Variants in PLCE1 observed in about 807,000 individuals in gnomAD.
PLCE1 encodes phospholipase C epsilon 1, also known as 1-phosphatidylinositol 4,5-bisphosphate phosphodiesterase epsilon-1.
In PLCE1, 119 loss-of-function variants were observed where a neutral mutation model predicts 242.8. The observed-to-expected ratio is 0.49, with a 90% CI of 0.42 to 0.57. The LOEUF is 0.57. Among genes scored for constraint, PLCE1 ranks in the 20% least tolerant of loss-of-function variants. PLCE1 has a pLI of 0.00. For missense variants in PLCE1, 2,441 were observed against 2,788.8 expected (o/e 0.88, Z 2.81); for synonymous variants, 945 against 1,017.4 (o/e 0.93, Z 1.35).
At chr10:94,098,059 G>T (rs939786770) in intron 2 of PLCE1, among the ~76,000 whole-genome samples, 1 of 152,200 alleles carries the variant, frequency 6.6e-6, no homozygotes, top group Non-Finnish European at 1.5e-5. Context: ...GTCCAGGTGA[G>T]CTGTCCTCAC....
At chr10:94,009,403 T>A (rs1477954178) in intron 1 of PLCE1, among the ~76,000 whole-genome samples, 1 of 152,092 alleles carries the variant, frequency 6.6e-6, no homozygotes, top group Non-Finnish European at 1.5e-5. Flanking sequence ...ATATTAGAGG[T>A]CACAATTCAA....
Position 94,328,428 on chromosome 10 carries a change from C to T in PLCE1, c.*485C>T, listed in dbSNP as rs921026809. On this transcript the variant is annotated 3_prime_UTR_variant, in exon 33 of 33. Transcript: ENST00000371380. ...ATATATTTTTCACATGTCACAAATA[C>T]TCTTGTTTTGACTTTTTTTCAACCA... The T allele has an allele frequency of 6.5e-6, 1 of 152,744 alleles. No homozygotes were observed. Among genetic ancestry groups the T allele is most frequent in the Non-Finnish European group, 1.5e-5 (1 of 68,414 alleles). 9.5% of individuals were successfully genotyped at this position (152,744 alleles called of 1,614,324 possible).
rs2052941039 is a variant in PLCE1 at position 94,298,971 on chromosome 10, A to G, written c.5458+302A>G. On this transcript the variant is annotated intron_variant, in intron 24 of 32. Coordinates refer to ENST00000371380, the MANE Select transcript of PLCE1 (RefSeq NM_016341.4). This position sits in a 1 kb window ranked among gnomAD's most constrained non-coding sequence, Gnocchi z 5.2. ...AAAGCCATGCCCGGTTTATGTTTAAAGCTCTTTTTGGAGCAGGGATTTCCT... is the reference window on the plus strand; with the variant it reads ...AAAGCCATGCCCGGTTTATGTTTAAGGCTCTTTTTGGAGCAGGGATTTCCT... Among the ~76,000 whole-genome samples the G allele has an allele frequency of 6.6e-6, 1 of 152,178 alleles. No homozygotes were observed. The highest frequency in any genetic ancestry group is 1.9e-4 in the East Asian group (1 of 5,196).
At chr10:94,076,576 T>C (rs955053792) in intron 2 of PLCE1, among the ~76,000 whole-genome samples, 13 of 152,206 alleles carry the variant, frequency 8.5e-5, no homozygotes, top group Non-Finnish European at 1.6e-4. Flanking sequence ...ACTTGCTCTT[T>C]CAGCTGAATC....
At chr10:94,324,230 T>C (rs2053927959) in intron 30 of PLCE1, 119 bp from the exon 31 acceptor site, 2 of 814,606 alleles carry the variant, frequency 2.5e-6, no homozygotes, top group African/African-American at 3.4e-5. Flanking sequence ...TGAAATGATC[T>C]GGAAGATCCC....
chr10:94,306,317 C>T lies in PLCE1; in HGVS notation c.5623-110C>T, dbSNP rs575233595. On this transcript the variant is annotated intron_variant, in intron 25 of 32. Transcript: ENST00000371380. The surrounding 1 kb of genome is among the most constrained non-coding windows in gnomAD (Gnocchi z 5.7). The stretch of plus-strand genomic sequence containing the variant: ...CAGTTTTATTCATCATTCACTTTGT[C>T]CATTCCAGTGTTCTTGGGATTCCTT... 28 of 1,560,506 alleles carry T rather than the reference C, an allele frequency of 1.8e-5. 1 individual carries two copies. The South Asian group carries it at 3.0e-4, about 17-fold the overall frequency.
intron 2 of PLCE1, among the ~76,000 whole-genome samples, chr10:94,123,329 T>C (rs2046350744): frequency 6.6e-6 from 1 of 152,194 alleles, no homozygotes; most frequent in African/African-American, 2.4e-5. Flanking sequence ...CCTGAAGTGA[T>C]AAAGGTTCAG....
intron 2 of PLCE1, chr10:94,120,973 T>TAGAG (rs1397621423): frequency 2.0e-5 from 3 of 152,226 alleles, no homozygotes; most frequent in African/African-American, 7.2e-5. Flanking sequence ...TGGAGCAACC[T>TAGAG]AGAGAGACAG....
intron 2 of PLCE1, among the ~76,000 whole-genome samples, chr10:94,061,290 T>G (rs978492553): frequency 2.0e-5 from 3 of 152,182 alleles, no homozygotes; most frequent in Admixed American, 6.5e-5. Context: ...CTATTGGAGA[T>G]GTAAAGATTA....
In PLCE1 at chr10:94,031,667, C is replaced by T. The variant is rs780591486; in HGVS notation, c.621C>T (p.Asn207=). The change falls in exon 2 of 33, where the codon AAC becomes AAT. Residue 207 remains asparagine, a synonymous_variant. Transcript: ENST00000371380. ...MSDTFCTLSE[N]LILDDCGNCV... ...ACACTTTCTGTACCCTATCAGAAAACTTAATTTTAGACGATTGTGGAAATT... is the reference window on the plus strand; with the variant it reads ...ACACTTTCTGTACCCTATCAGAAAATTTAATTTTAGACGATTGTGGAAATT... 54 of 1,613,732 alleles carry T rather than the reference C, an allele frequency of 3.3e-5. 1 individual carries two copies. In the Admixed American group the frequency reaches 8.7e-4, roughly 26 times the overall value.
At chr10:94,083,391 T>C (rs1040667240) in intron 2 of PLCE1, among the ~76,000 whole-genome samples, 1 of 152,198 alleles carries the variant, frequency 6.6e-6, no homozygotes, top group Non-Finnish European at 1.5e-5. Flanking sequence ...CCCATTTTTT[T>C]GGGGCCCACA....
At chr10:94,324,115 AT>A (rs2053924260) in intron 30 of PLCE1, among the ~76,000 whole-genome samples, 1 of 152,226 alleles carries the variant, frequency 6.6e-6, no homozygotes, top group Admixed American at 6.5e-5. Flanking sequence ...CTCGTCTGAA[AT>A]TCAGGATAAT....
chr10:94,230,831 A>T (rs2050118472), intron 5 of PLCE1, among the ~76,000 whole-genome samples: 1 of 151,336 alleles, frequency 6.6e-6, no homozygotes, highest in Non-Finnish European at 1.5e-5. Context: ...CTGGTCTGGA[A>T]CTCCTGGCCT....
intron 3 of PLCE1, among the ~76,000 whole-genome samples, chr10:94,151,692 G>C (rs764057482): frequency 2.6e-5 from 4 of 152,162 alleles, no homozygotes; most frequent in Non-Finnish European, 2.9e-5. Flanking sequence ...AGAACTGTAA[G>C]TTCAGGCTGA....
At chr10:94,314,802 T>A (rs1342257414) in intron 28 of PLCE1, 2 of 152,256 alleles carry the variant, frequency 1.3e-5, no homozygotes, top group African/African-American at 4.8e-5. Context: ...CACATCTCTA[T>A]AGACAGGCTA....
chr10:94,296,932 G>T (rs1322466989), intron 23 of PLCE1, among the ~76,000 whole-genome samples: 1 of 151,476 alleles, frequency 6.6e-6, no homozygotes, highest in Non-Finnish European at 1.5e-5. Context: ...GGAGTGCAGT[G>T]GCGCGATCTC....
intron 4 of PLCE1, among the ~76,000 whole-genome samples, chr10:94,174,776 C>G (rs1283128642): frequency 1.3e-5 from 2 of 152,108 alleles, no homozygotes; most frequent in African/African-American, 4.8e-5. Context: ...AATTGAGGAA[C>G]TGTTAAAGGC....
At chr10:94,203,270 C>T (rs1232875675) in intron 4 of PLCE1, among the ~76,000 whole-genome samples, 1 of 152,178 alleles carries the variant, frequency 6.6e-6, no homozygotes, top group Non-Finnish European at 1.5e-5. Context: ...GTGACCCCCT[C>T]CTCCATGACA....
chr10:94,215,242 G>A (rs2049480361), intron 4 of PLCE1, among the ~76,000 whole-genome samples: 1 of 152,198 alleles, frequency 6.6e-6, no homozygotes, highest in South Asian at 2.1e-4. Context: ...CCCTGGGCAA[G>A]TAAGGTGCTT....
Sources: gnomAD v4.1 joint callset for allele counts (sites outside exome capture counted in the v4.1 genomes callset) on GRCh38, gnomAD v4.1.1 for gene constraint, Gnocchi (gnomAD v3.1) non-coding constraint, MANE v1.5 for transcripts, NCBI Gene and HGNC (gene_info 2026-07-23, HGNC 2026-07-21) for gene names.